Variants in RGS6 observed in about 807,000 individuals in gnomAD.
The protein encoded by RGS6 is regulator of G-protein signaling 6.
A neutral mutation model predicts 78.5 loss-of-function variants in RGS6; 30 were observed. That is an observed-to-expected ratio of 0.38 (90% CI 0.29 to 0.52). RGS6 has a LOEUF of 0.52. RGS6 is among the 20% of genes least tolerant of loss of function. The probability of loss-of-function intolerance (pLI) is 0.85; values close to 1 mark genes in which losing one functional copy is unlikely to be tolerated. For missense variants in RGS6, 495 were observed against 609.7 expected (o/e 0.81, Z 1.98); for synonymous variants, 206 against 206.0 (o/e 1.00, Z 0.00).
intron 2 of RGS6, among the ~76,000 whole-genome samples, chr14:72,176,668 G>C (rs946859613): frequency 6.6e-6 from 1 of 152,132 alleles, no homozygotes; most frequent in East Asian, 1.9e-4. Flanking sequence ...TCCGTGAACA[G>C]TGATGAGTTC....
At chr14:72,442,076 T>C (rs2095224713) in intron 3 of RGS6, among the ~76,000 whole-genome samples, 1 of 152,152 alleles carries the variant, frequency 6.6e-6, no homozygotes. Flanking sequence ...TCACCAACGC[T>C]GAGATGATTT....
Position 71,981,915 on chromosome 14 carries a change from C to A in RGS6, c.84+17040C>A, listed in dbSNP as rs553638657. The stretch of plus-strand genomic sequence containing the variant: ...TGCCGCCTTGCAGTTTGATCTCAGA[C>A]TGCTGTGCTAGCCATCAGCGAGACT... On this transcript the variant is annotated intron_variant, in intron 2 of 17. Transcript: ENST00000553525. Among the ~76,000 whole-genome samples, 3 of 150,710 alleles carry A rather than the reference C, an allele frequency of 2.0e-5. No individual in the cohort carries two copies. The South Asian group carries it at 6.5e-4, about 33-fold the overall frequency.
At chr14:72,354,953 A>G (rs1384838692) in intron 3 of RGS6, among the ~76,000 whole-genome samples, 2 of 151,966 alleles carry the variant, frequency 1.3e-5, no homozygotes, top group Admixed American at 6.6e-5. Context: ...TATTTTTCAC[A>G]TTCCTGGATT....
chr14:72,605,588 C>T, the RGS6 span, among the ~76,000 whole-genome samples: 4 of 152,212 alleles, frequency 2.6e-5, no homozygotes, highest in African/African-American at 7.2e-5. Context: ...GCAGATGTGA[C>T]AGCAGAACAC....
At chr14:71,944,610 G>A (rs973520124) in intron 1 of RGS6, among the ~76,000 whole-genome samples, 2 of 152,208 alleles carry the variant, frequency 1.3e-5, no homozygotes, top group Admixed American at 6.5e-5. Context: ...AAGACAGTAA[G>A]CACATTATAG....
chr14:72,139,770 T>C (rs1218226916), intron 2 of RGS6, among the ~76,000 whole-genome samples: 2 of 152,008 alleles, frequency 1.3e-5, no homozygotes, highest in African/African-American at 4.8e-5. Context: ...GAATAAAGTA[T>C]TAGAACCCAG....
At chr14:72,504,749 T>TCCCTC (rs2096775198) in intron 13 of RGS6, among the ~76,000 whole-genome samples, 15 of 143,132 alleles carry the variant, frequency 1.0e-4, no homozygotes, top group African/African-American at 3.8e-4. Flanking sequence ...TCCCTCTCCT[T>TCCCTC]TCCTTTCCTT....
intron 2 of RGS6, among the ~76,000 whole-genome samples, chr14:72,110,142 A>G (rs950874112): frequency 4.6e-5 from 7 of 152,228 alleles, no homozygotes; most frequent in African/African-American, 1.4e-4. Context: ...ACCATTCACC[A>G]GATAACTTGC....
At chr14:72,178,122 A>G (rs574759969) in intron 2 of RGS6, among the ~76,000 whole-genome samples, 1 of 152,346 alleles carries the variant, frequency 6.6e-6, no homozygotes, top group East Asian at 1.9e-4. Flanking sequence ...CTCAGGATGG[A>G]CATAGGTTGG....
chr14:72,410,943 C>G (rs1456671308), intron 3 of RGS6, among the ~76,000 whole-genome samples: 1 of 152,130 alleles, frequency 6.6e-6, no homozygotes, highest in Non-Finnish European at 1.5e-5. Context: ...TGTTTTGGTA[C>G]CAGTACCATG....
Position 72,286,079 on chromosome 14 carries a change from T to A in RGS6, c.85-66016T>A, listed in dbSNP as rs543184038. On this transcript the variant is annotated intron_variant, in intron 2 of 17. Coordinates refer to ENST00000553525, the MANE Select transcript of RGS6 (RefSeq NM_001204424.2). ...TGTTTTTGGTGTCACATCCAAGAAA[T>A]CATTGCAGAGACCAATATCATAAAG... Among the ~76,000 whole-genome samples, 4 of 152,338 alleles carry A rather than the reference T, an allele frequency of 2.6e-5. No homozygotes were observed. In the South Asian group the frequency reaches 8.3e-4, roughly 32 times the overall value.
chr14:72,103,549 A>G (rs1191437600), intron 2 of RGS6, among the ~76,000 whole-genome samples: 1 of 152,216 alleles, frequency 6.6e-6, no homozygotes, highest in Non-Finnish European at 1.5e-5. Context: ...ATTTTTGTAT[A>G]TGCAACAACT....
chr14:72,429,050 A>G lies in RGS6; in HGVS notation c.185-25478A>G, dbSNP rs570725926. On this transcript the variant is annotated intron_variant, in intron 3 of 17. Coordinates refer to ENST00000553525, the MANE Select transcript of RGS6 (RefSeq NM_001204424.2). ...ACCCTGTCTCTACTAAAATACAAAA[A>G]AAGTTTCCAGGTGTAGTGGCACACA... 1.1e-3 allele frequency among the ~76,000 whole-genome samples: 175 copies of G among 152,298 alleles called. 2 individuals carry two copies. Among genetic ancestry groups the G allele is most frequent in the Admixed American group, 3.7e-3 (57 of 15,302 alleles).
At chr14:71,917,658 C>T in the RGS6 span, among the ~76,000 whole-genome samples, 5 of 152,132 alleles carry the variant, frequency 3.3e-5, no homozygotes, top group Non-Finnish European at 4.4e-5. Flanking sequence ...AAAAACAACA[C>T]AAGTCAAACA....
chr14:72,238,216 C>G (rs847271), intron 2 of RGS6, among the ~76,000 whole-genome samples: 50,527 of 151,930 alleles, frequency 0.33, 9,249 homozygotes, highest in South Asian at 0.46. Flanking sequence ...TTCTCCTTTT[C>G]ACGTTCAGCT....
chr14:72,550,509 A>G (rs1335375156), intron 17 of RGS6: 12 of 1,535,630 alleles, frequency 7.8e-6, no homozygotes, highest in South Asian at 4.8e-5. Context: ...ATCATAGCAC[A>G]TTACACTGGG....
the RGS6 span, among the ~76,000 whole-genome samples, chr14:72,610,890 C>T: frequency 1.3e-5 from 2 of 152,228 alleles, no homozygotes; most frequent in Non-Finnish European, 2.9e-5. Flanking sequence ...CCCCTTCCAC[C>T]AGCAGGGCCA....
At chr14:72,249,230 T>G (rs889224681) in intron 2 of RGS6, among the ~76,000 whole-genome samples, 3 of 152,174 alleles carry the variant, frequency 2.0e-5, no homozygotes, top group Non-Finnish European at 4.4e-5. Context: ...AAGAAAGTTA[T>G]AGGGAAAGGC....
At chr14:71,948,416 AT>A (rs1299249106) in intron 1 of RGS6, among the ~76,000 whole-genome samples, 10 of 152,052 alleles carry the variant, frequency 6.6e-5, no homozygotes, top group Non-Finnish European at 1.5e-4. Context: ...CCATGATGTC[AT>A]TTTTTGCATC....
Sources: gnomAD v4.1 joint callset for allele counts (sites outside exome capture counted in the v4.1 genomes callset) on GRCh38, gnomAD v4.1.1 for gene constraint, MANE v1.5 for transcripts, NCBI Gene and HGNC (gene_info 2026-07-23, HGNC 2026-07-21) for gene names.